SLC25A18: variants seen among roughly 807,000 people sequenced by gnomAD.
SLC25A18 encodes the protein mitochondrial glutamate carrier 2.
Under a neutral mutation model 31.1 loss-of-function variants are expected in SLC25A18, and 24 were observed. The observed-to-expected ratio is 0.77, with a 90% CI of 0.56 to 1.08. The LOEUF (loss-of-function observed/expected upper bound fraction) is 1.08, where lower values mean the gene tolerates loss of function less well. SLC25A18 is among the 50% of genes least tolerant of loss of function. SLC25A18 has a pLI of 0.00. For synonymous variants in SLC25A18, 173 were observed against 161.9 expected, an observed-to-expected ratio of 1.07 and a Z score of -0.52; for missense variants, 371 against 418.5, an observed-to-expected ratio of 0.89 and a Z score of 0.99.
intron 10 of SLC25A18, 103 bp from the exon 11 acceptor site, chr22:17,589,992 G>T: frequency 6.8e-7 from 1 of 1,480,884 alleles, no homozygotes; most frequent in East Asian, 2.3e-5. Context: ...GTTGTGGAAG[G>T]CACTATTCTA....
intron 1 of SLC25A18, among the ~76,000 whole-genome samples, chr22:17,565,924 C>T (rs1413854928): frequency 6.6e-6 from 1 of 152,022 alleles, no homozygotes; most frequent in Non-Finnish European, 1.5e-5. Flanking sequence ...AACTCCCAGG[C>T]TCTAGTGATC....
In SLC25A18 at chr22:17,564,598, A is replaced by C. The variant is rs193268533; in HGVS notation, c.-264+885A>C. On this transcript the variant is annotated intron_variant, in intron 1 of 10. Transcript: ENST00000327451. ...TAAGTTGGCTGGGGCGCGGTGGCTC[A>C]CACCTGTAATCCCAGCACTTTGGGA... 2.9e-3 allele frequency among the ~76,000 whole-genome samples: 445 copies of C among 152,282 alleles called. 3 individuals are homozygous for C. The highest frequency in any genetic ancestry group is 0.01 in the African/African-American group (422 of 41,562).
intron 1 of SLC25A18, chr22:17,569,481 T>C (rs2057032143): frequency 7.9e-6 from 3 of 378,278 alleles, no homozygotes; most frequent in Non-Finnish European, 1.1e-5. Context: ...AATAGCCGGT[T>C]ATCAGCAGTA....
chr22:17,584,609 G>A (rs1459013875), intron 7 of SLC25A18, among the ~76,000 whole-genome samples: 3 of 149,962 alleles, frequency 2.0e-5, no homozygotes, highest in Admixed American at 6.7e-5. Flanking sequence ...GTGAAACCCC[G>A]TCTCTACTAA....
intron 1 of SLC25A18, among the ~76,000 whole-genome samples, chr22:17,568,495 A>G (rs996536419): frequency 1.3e-5 from 2 of 151,276 alleles, no homozygotes; most frequent in South Asian, 2.1e-4. Flanking sequence ...TTGGACCAGT[A>G]TAAGTATGGC....
intron 2 of SLC25A18, among the ~76,000 whole-genome samples, chr22:17,577,224 A>G (rs191012072): frequency 4.6e-5 from 7 of 151,722 alleles, no homozygotes; most frequent in Non-Finnish European, 1.0e-4. Flanking sequence ...GGGTTTCACC[A>G]TGTTAGCCAG....
intron 7 of SLC25A18, chr22:17,583,972 A>C (rs1716481305): frequency 1.3e-6 from 1 of 743,886 alleles, no homozygotes; most frequent in South Asian, 6.1e-5. Context: ...ATTTATGGTT[A>C]CCCATTTCAT....
chr22:17,579,964 G>C lies in SLC25A18; in HGVS notation c.20G>C (p.Ser7Thr). Residue 7 changes from serine to threonine, a missense_variant and splice_region_variant, in exon 3 of 11, where the codon AGC becomes ACC. By Grantham distance (58) the Ser-to-Thr change is moderately conservative. Coordinates refer to ENST00000327451, the MANE Select transcript of SLC25A18 (RefSeq NM_031481.3). MTHQDL[S>T]ITAKLINGGV... Reference sequence around the variant, plus strand: ...TGCAGAATGACCCACCAGGATCTGAGGTGAGCTCGGCTGGGGCAGCCTGAG... The same window carrying C: ...TGCAGAATGACCCACCAGGATCTGACGTGAGCTCGGCTGGGGCAGCCTGAG... The C allele has an allele frequency of 1.2e-6, 2 of 1,610,618 alleles. No homozygotes were observed. The highest frequency in any genetic ancestry group is 1.7e-6 in the Non-Finnish European group (2 of 1,178,926).
At chr22:17,576,349 G>A (rs1263001239) in intron 2 of SLC25A18, among the ~76,000 whole-genome samples, 1 of 149,228 alleles carries the variant, frequency 6.7e-6, no homozygotes, top group Non-Finnish European at 1.5e-5. Context: ...GTGAGACTCC[G>A]TCTCAAAAAA....
intron 5 of SLC25A18, 142 bp downstream of exon 5, chr22:17,581,555 T>A: frequency 3.3e-6 from 3 of 895,732 alleles, no homozygotes; most frequent in Non-Finnish European, 5.1e-6. Context: ...TGCTCTTGGG[T>A]GGAGACAGAG....
At chr22:17,563,821 T>C (rs2146193772) in intron 1 of SLC25A18, 108 bp downstream of exon 1, 1 of 610,108 alleles carries the variant, frequency 1.6e-6, no homozygotes, top group African/African-American at 2.0e-5. Flanking sequence ...AATAAACCTG[T>C]ATTGTGAATA....
At chr22:17,584,393 A>AAAAAGAAAAG (rs2057463828) in intron 7 of SLC25A18, among the ~76,000 whole-genome samples, 1 of 146,626 alleles carries the variant, frequency 6.8e-6, no homozygotes, top group African/African-American at 2.6e-5. Context: ...ACTCCATCTC[A>AAAAAGAAAAG]AAAAGAAAAG....
At chr22:17,579,079 GTTTGTTTGT>G (rs2057305288) in intron 2 of SLC25A18, among the ~76,000 whole-genome samples, 2 of 148,656 alleles carry the variant, frequency 1.3e-5, no homozygotes, top group African/African-American at 5.2e-5. Flanking sequence ...TTGTTTGTTT[GTTTGTTTGT>G]TTGTTTGTTT....
intron 1 of SLC25A18, among the ~76,000 whole-genome samples, chr22:17,563,914 T>G (rs1334631913): frequency 6.6e-6 from 1 of 152,096 alleles, no homozygotes; most frequent in East Asian, 1.9e-4. Flanking sequence ...GGAAAAATAT[T>G]TTTGGTTCCT....
chr22:17,568,942 T>G (rs2057014858), intron 1 of SLC25A18, among the ~76,000 whole-genome samples: 1 of 152,112 alleles, frequency 6.6e-6, no homozygotes, highest in Non-Finnish European at 1.5e-5. Context: ...AAATTTTGCT[T>G]TTAAGAGAAA....
At position 17,590,320 on chromosome 22, in the gene SLC25A18, G is replaced by T. The variant is rs776217673; in HGVS notation, c.*84G>T. 3.9e-6 allele frequency: 6 copies of T among 1,549,256 alleles called. No homozygotes were observed. Among genetic ancestry groups the T allele is most frequent in the Non-Finnish European group, 5.3e-6 (6 of 1,133,142 alleles). ...CCTAGAGGGGGCAAGGGCAGGTGGGGCCACTCTGGCCTGCCTGGTCCTCTG... is the reference window on the plus strand; with the variant it reads ...CCTAGAGGGGGCAAGGGCAGGTGGGTCCACTCTGGCCTGCCTGGTCCTCTG... On this transcript the variant is annotated 3_prime_UTR_variant, in exon 11 of 11. Coordinates refer to ENST00000327451, the MANE Select transcript of SLC25A18 (RefSeq NM_031481.3).
At chr22:17,587,731 G>A (rs924819832) in intron 8 of SLC25A18, 194 bp from the exon 9 acceptor site, 21 of 648,814 alleles carry the variant, frequency 3.2e-5, no homozygotes, top group African/African-American at 3.1e-4. Flanking sequence ...GAGCTGGGAC[G>A]GCGGAACAGA....
At chr22:17,572,877 G>C (rs887181834) in intron 2 of SLC25A18, among the ~76,000 whole-genome samples, 1 of 151,954 alleles carries the variant, frequency 6.6e-6, no homozygotes, top group East Asian at 1.9e-4. Flanking sequence ...TCCTGACCTC[G>C]TGATCCGCCC....
chr22:17,569,825 C>T, intron 1 of SLC25A18, 99 bp from the exon 2 acceptor site: 1 of 985,422 alleles, frequency 1.0e-6, no homozygotes, highest in South Asian at 4.7e-5. Flanking sequence ...GTCTGGAACC[C>T]TGCAGTGGTG....
Sources: gnomAD v4.1 joint callset for allele counts (sites outside exome capture counted in the v4.1 genomes callset) on GRCh38, gnomAD v4.1.1 for gene constraint, MANE v1.5 for transcripts, NCBI Gene and HGNC (gene_info 2026-07-23, HGNC 2026-07-21) for gene names.